CCDC6: variants seen among roughly 807,000 people sequenced by gnomAD.
The protein encoded by CCDC6 is coiled-coil domain-containing protein 6.
In CCDC6, 20 loss-of-function variants were observed where a neutral mutation model predicts 56.6. The ratio of observed to expected loss-of-function variants is 0.35; its 90% CI spans 0.25 to 0.51. The LOEUF is 0.51. CCDC6 is among the 20% of genes least tolerant of loss of function. The probability of loss-of-function intolerance (pLI) is 0.95; values close to 1 mark genes in which losing one functional copy is unlikely to be tolerated. For missense variants in CCDC6, 367 were observed against 601.1 expected, an observed-to-expected ratio of 0.61 and a Z score of 4.07; for synonymous variants, 241 against 234.4, an observed-to-expected ratio of 1.03 and a Z score of -0.26.
chr10:59,814,629 CTG>C (rs745661428), intron 4 of CCDC6, 21 bp downstream of exon 4: 1 of 1,472,112 alleles, frequency 6.8e-7, no homozygotes, highest in East Asian at 2.3e-5. Context: ...CACACCCATA[CTG>C]AACAGCAAGA....
intron 1 of CCDC6, among the ~76,000 whole-genome samples, chr10:59,882,138 CCG>C (rs762102255): frequency 3.1e-3 from 29 of 9,424 alleles, no homozygotes; most frequent in African/African-American, 3.6e-3. Context: ...GAAAGGAAAG[CCG>C]CGGGGAGAAG....
intron 6 of CCDC6, chr10:59,806,473 T>G (rs1836652902): frequency 6.5e-6 from 1 of 153,498 alleles, no homozygotes; most frequent in East Asian, 1.9e-4. Context: ...AGGCAAGTCC[T>G]TGGGATTTCA....
rs2071544652 is a variant in CCDC6 at position 59,906,185 on chromosome 10, G to A, written c.240C>T (p.Tyr80=). The change falls in exon 1 of 9, where the codon TAC becomes TAT. Residue 80 remains tyrosine, a synonymous_variant. Transcript: ENST00000263102. Reference sequence around the variant, plus strand: ...CCTGCAGTGCCTTGCACTTCAGTTTGTAGGTCTCCAGCTCTATCTTCAGCA... The same window carrying A: ...CCTGCAGTGCCTTGCACTTCAGTTTATAGGTCTCCAGCTCTATCTTCAGCA... ...NKVLKIELET[Y]KLKCKALQEE... The A allele has an allele frequency of 6.2e-7, 1 of 1,612,206 alleles. No individual in the cohort carries two copies.
intron 2 of CCDC6, among the ~76,000 whole-genome samples, chr10:59,835,334 T>C (rs2070872705): frequency 6.6e-6 from 1 of 152,238 alleles, no homozygotes; most frequent in South Asian, 2.1e-4. Context: ...CTCACTGGCT[T>C]GCAGGAAAAT....
At chr10:59,844,426 TAA>T (rs55710616) in intron 2 of CCDC6, among the ~76,000 whole-genome samples, 4 of 139,262 alleles carry the variant, frequency 2.9e-5, no homozygotes. Context: ...GGAGGAATAT[TAA>T]AAAAAAAAAA....
Position 59,792,540 on chromosome 10 carries a change from A to G in CCDC6, c.*377T>C. 4 of 518,178 alleles carry G rather than the reference A, an allele frequency of 7.7e-6. No homozygotes were observed. The East Asian group carries it at 1.6e-4, about 20-fold the overall frequency. The allele number at this position is 518,178 out of a possible 1,614,324, so 32.1% of individuals were successfully genotyped here. A position where few individuals can be genotyped will look rare whatever the true frequency, so the allele number is the denominator to read the frequency against. ...CAGCTCAGTAATTTTCTGCAGATTC[A>G]TGGAAAAAAATATAAAAAAGATATC... On this transcript the variant is annotated 3_prime_UTR_variant, in exon 9 of 9. Coordinates refer to ENST00000263102, the MANE Select transcript of CCDC6 (RefSeq NM_005436.5).
chr10:59,862,610 T>C (rs1002950416), intron 1 of CCDC6, among the ~76,000 whole-genome samples: 3 of 110,138 alleles, frequency 2.7e-5, no homozygotes, highest in African/African-American at 9.9e-5. Context: ...GATGGGAAAA[T>C]GACACAAGCA....
intron 1 of CCDC6, among the ~76,000 whole-genome samples, chr10:59,871,941 G>A (rs1162777870): frequency 2.0e-5 from 3 of 152,102 alleles, no homozygotes; most frequent in Non-Finnish European, 2.9e-5. Flanking sequence ...GGACTTAAAG[G>A]GAGGAAGAAG....
intron 1 of CCDC6, among the ~76,000 whole-genome samples, chr10:59,862,556 CATATATATACACAT>C (rs1231628978): frequency 1.5e-3 from 155 of 105,180 alleles, no homozygotes; most frequent in African/African-American, 6.5e-3. Context: ...CACACACACA[CATATATATACACAT>C]ACACACACAC....
intron 1 of CCDC6, among the ~76,000 whole-genome samples, chr10:59,899,006 C>G (rs2071484029): frequency 6.6e-6 from 1 of 152,080 alleles, no homozygotes; most frequent in Non-Finnish European, 1.5e-5. Context: ...AAGAGAGAAC[C>G]TACACAAAGT....
At chr10:59,811,529 G>A (rs117473195) in intron 5 of CCDC6, among the ~76,000 whole-genome samples, 6,071 of 152,230 alleles carry the variant, frequency 0.04, 193 homozygotes, top group Non-Finnish European at 0.058. Context: ...TTTAAATAAG[G>A]GATGAAGGCA....
At position 59,807,091 on chromosome 10, in the gene CCDC6, A is replaced by G; in HGVS notation, c.848-13T>C. The G allele has an allele frequency of 6.2e-7, 1 of 1,611,980 alleles. No individual in the cohort carries two copies. Among genetic ancestry groups the G allele is most frequent in the South Asian group, 1.1e-5 (1 of 90,956 alleles). Reference sequence around the variant, plus strand: ...ATTTTCTCTGAATCTGAAAAGTCAGAGTTTTCAATTAAACCATGTTTCATG... The same window carrying G: ...ATTTTCTCTGAATCTGAAAAGTCAGGGTTTTCAATTAAACCATGTTTCATG... On this transcript the variant is annotated splice_polypyrimidine_tract_variant and intron_variant, in intron 5 of 8. Coordinates refer to ENST00000263102, the MANE Select transcript of CCDC6 (RefSeq NM_005436.5).
chr10:59,814,271 T>C (rs1266296910), intron 4 of CCDC6, among the ~76,000 whole-genome samples: 4 of 152,186 alleles, frequency 2.6e-5, no homozygotes, highest in African/African-American at 9.7e-5. Flanking sequence ...CAGAGATGTA[T>C]AAATAATAGT....
chr10:59,900,187 G>C (rs2071494695), intron 1 of CCDC6, among the ~76,000 whole-genome samples: 1 of 152,122 alleles, frequency 6.6e-6, no homozygotes, highest in Non-Finnish European at 1.5e-5. Context: ...CGATAGTCGA[G>C]TGTCAGTGAC....
intron 3 of CCDC6, among the ~76,000 whole-genome samples, chr10:59,831,419 C>A (rs969258913): frequency 3.3e-5 from 5 of 152,212 alleles, no homozygotes; most frequent in African/African-American, 1.2e-4. Context: ...TCAAACCTTG[C>A]AGCACGATCA....
chr10:59,895,691 G>T (rs185366689), intron 1 of CCDC6, among the ~76,000 whole-genome samples: 7 of 152,164 alleles, frequency 4.6e-5, no homozygotes, highest in Non-Finnish European at 5.9e-5. Flanking sequence ...TTAAAACTCC[G>T]GTTTACCTTG....
chr10:59,874,418 A>C (rs2071260563), intron 1 of CCDC6, among the ~76,000 whole-genome samples: 1 of 152,220 alleles, frequency 6.6e-6, no homozygotes, highest in Non-Finnish European at 1.5e-5. Context: ...TGGATTAACC[A>C]AAGATATACA....
At chr10:59,825,185 C>T (rs765930846) in intron 3 of CCDC6, among the ~76,000 whole-genome samples, 8 of 152,232 alleles carry the variant, frequency 5.3e-5, no homozygotes, top group Non-Finnish European at 8.8e-5. Context: ...TTGAATTGTA[C>T]TCCCATAATT....
chr10:59,832,803 C>A, intron 2 of CCDC6, 150 bp from the exon 3 acceptor site: 1 of 652,856 alleles, frequency 1.5e-6, no homozygotes, highest in Admixed American at 3.4e-5. Flanking sequence ...ACCTAGTAAT[C>A]TGTGCCTAAC....
Sources: gnomAD v4.1 joint callset for allele counts (sites outside exome capture counted in the v4.1 genomes callset) on GRCh38, gnomAD v4.1.1 for gene constraint, MANE v1.5 for transcripts, NCBI Gene and HGNC (gene_info 2026-07-23, HGNC 2026-07-21) for gene names.